Variants in DTYMK observed in about 807,000 individuals in gnomAD.
DTYMK encodes deoxythymidylate kinase, also known as thymidylate kinase.
DTYMK carries 20 observed loss-of-function variants against 20.3 expected under a neutral mutation model. The observed-to-expected ratio is 0.99, with a 90% CI of 0.69 to 1.43. The LOEUF (loss-of-function observed/expected upper bound fraction) is 1.43. DTYMK is among the 40% of genes most tolerant of loss of function. The pLI is 0.00. For missense variants in DTYMK, 320 were observed against 291.1 expected (o/e 1.10, Z -0.72); for synonymous variants, 148 against 124.4 (o/e 1.19, Z -1.27).
intron 1 of DTYMK, 22 bp downstream of exon 1, chr2:241,686,632 A>G: frequency 1.4e-6 from 2 of 1,480,724 alleles, no homozygotes; most frequent in Middle Eastern, 2.4e-4. Flanking sequence ...GCCGCGGCGC[A>G]CCCCCCGCCG....
intron 1 of DTYMK, among the ~76,000 whole-genome samples, chr2:241,686,297 TGGA>T (rs1279858538): frequency 6.6e-6 from 1 of 152,194 alleles, no homozygotes; most frequent in Admixed American, 6.5e-5. Flanking sequence ...ACAAAAGAGC[TGGA>T]GGAGACTTTT....
chr2:241,677,897 G>C (rs1032970200), intron 4 of DTYMK, among the ~76,000 whole-genome samples: 1 of 152,258 alleles, frequency 6.6e-6, no homozygotes, highest in African/African-American at 2.4e-5. Context: ...AGGGGCTGAG[G>C]ATGTGGAGGA....
chr2:241,684,005 C>T (rs1014144950), intron 2 of DTYMK, among the ~76,000 whole-genome samples: 2 of 151,774 alleles, frequency 1.3e-5, no homozygotes, highest in African/African-American at 2.4e-5. Flanking sequence ...TGCAGTGAGC[C>T]GAGACTGAGC....
intron 2 of DTYMK, chr2:241,682,222 T>C: frequency 2.2e-6 from 1 of 453,404 alleles, no homozygotes; most frequent in Non-Finnish European, 4.4e-6. Context: ...GTGCCTATAG[T>C]TGCAGCTACT....
At position 241,678,598 on chromosome 2, in the gene DTYMK, C is replaced by T. The variant is rs373875797; in HGVS notation, c.382G>A (p.Asp128Asn). The change falls in exon 4 of 5, where the codon GAC becomes AAC. Residue 128 changes from aspartate to asparagine, a missense_variant. Coordinates refer to ENST00000305784, the MANE Select transcript of DTYMK (RefSeq NM_012145.4). Reference protein sequence around the residue: ...KQPDVGLPKPDLVLFLQLQLA... With the variant: ...KQPDVGLPKPNLVLFLQLQLA... ...TGTAACTGGAGGAACAGGACCAGGT[C>T]GGGTTTGGGAAGGCCCACGTCTGGC... is the stretch of plus-strand genomic sequence containing the variant. 21 of 1,614,166 alleles carry T rather than the reference C, an allele frequency of 1.3e-5. No individual in the cohort carries two copies. Among genetic ancestry groups the T allele is most frequent in the Admixed American group, 1.7e-5 (1 of 60,026 alleles).
Position 241,686,770 on chromosome 2 carries a change from C to G in DTYMK, c.14G>C (p.Arg5Pro). 1 of 1,460,942 alleles carries G rather than the reference C, an allele frequency of 6.8e-7. No individual in the cohort carries two copies. Among genetic ancestry groups the G allele is most frequent in the Non-Finnish European group, 8.9e-7 (1 of 1,121,260 alleles). The allele number at this position is 1,460,942 out of a possible 1,614,324, so 90.5% of individuals were successfully genotyped here. A position where few individuals can be genotyped will look rare whatever the true frequency, so the allele number is the denominator to read the frequency against. The change falls in exon 1 of 5, where the codon CGC (arginine) becomes CCC (proline). Residue 5 changes from arginine to proline, a missense_variant. Arg to Pro is a moderately radical substitution (Grantham distance 103). Transcript: ENST00000305784. MAAR[R>P]GALIVLEGVD... Reference sequence around the variant, plus strand: ...GCCCTCCAGCACTATGAGAGCCCCGCGCCGGGCCGCCATGACTGTCCACCG... The same window carrying G: ...GCCCTCCAGCACTATGAGAGCCCCGGGCCGGGCCGCCATGACTGTCCACCG...
At chr2:241,685,913 G>T in intron 1 of DTYMK, 36 bp from the exon 2 acceptor site, 1 of 1,596,388 alleles carries the variant, frequency 6.3e-7, no homozygotes. Context: ...ATGCAAGTGA[G>T]ATCAGGCTTT....
At chr2:241,685,623 C>A in intron 2 of DTYMK, 146 bp downstream of exon 2, 1 of 795,562 alleles carries the variant, frequency 1.3e-6, no homozygotes, top group South Asian at 2.0e-5. Context: ...GGCGCTTCAC[C>A]ACCTCTGCCC....
At chr2:241,678,693 G>A (rs779606594) in intron 3 of DTYMK, 44 bp from the exon 4 acceptor site, 15 of 1,596,886 alleles carry the variant, frequency 9.4e-6, no homozygotes, top group Non-Finnish European at 1.2e-5. Flanking sequence ...TGTAGTCTAG[G>A]TTTTTGTTTC....
chr2:241,686,076 G>A (rs1347521466), intron 1 of DTYMK, among the ~76,000 whole-genome samples, 199 bp from the exon 2 acceptor site: 1 of 152,082 alleles, frequency 6.6e-6, no homozygotes, highest in Non-Finnish European at 1.5e-5. Context: ...AAACAAGCTG[G>A]GATGAAAAAT....
Position 241,684,258 on chromosome 2 carries a change from G to A in DTYMK, c.239+1511C>T, listed in dbSNP as rs140514102. Among the ~76,000 whole-genome samples, 9 of 152,270 alleles carry A rather than the reference G, an allele frequency of 5.9e-5. No individual in the cohort carries two copies. The South Asian group carries it at 1.0e-3, about 18-fold the overall frequency. ...TCTTCATTTTAAATTGGGCATATACGTGTTTCATCACTTTTCTACAAAGCC... is the reference window on the plus strand; with the variant it reads ...TCTTCATTTTAAATTGGGCATATACATGTTTCATCACTTTTCTACAAAGCC... On this transcript the variant is annotated intron_variant, in intron 2 of 4. Coordinates refer to ENST00000305784, the MANE Select transcript of DTYMK (RefSeq NM_012145.4).
intron 4 of DTYMK, among the ~76,000 whole-genome samples, chr2:241,677,822 A>G (rs1282160457): frequency 6.6e-6 from 1 of 152,204 alleles, no homozygotes; most frequent in Non-Finnish European, 1.5e-5. Context: ...TGCAGGGCCC[A>G]TGCCCAGCGA....
chr2:241,685,574 A>G (rs1420435170), intron 2 of DTYMK, 195 bp downstream of exon 2: 3 of 519,980 alleles, frequency 5.8e-6, no homozygotes, highest in Admixed American at 3.2e-5. Flanking sequence ...GGGGAGCAGG[A>G]GGACGAAACA....
At chr2:241,677,439 T>G (rs1426188426) in intron 4 of DTYMK, among the ~76,000 whole-genome samples, 4 of 152,204 alleles carry the variant, frequency 2.6e-5, no homozygotes, top group Non-Finnish European at 5.9e-5. Flanking sequence ...GTGACCAGCA[T>G]CATCTGCAGG....
At position 241,680,212 on chromosome 2, in the gene DTYMK, G is replaced by A. The variant is rs374486717; in HGVS notation, c.330+17C>T. ...ACACATCTGTGCTCGCCTGACAGGAGGCCAAGTGGCACTCACCTCCTTGGC... is the reference window on the plus strand; with the variant it reads ...ACACATCTGTGCTCGCCTGACAGGAAGCCAAGTGGCACTCACCTCCTTGGC... On this transcript the variant is annotated intron_variant, in intron 3 of 4. Coordinates refer to ENST00000305784, the MANE Select transcript of DTYMK (RefSeq NM_012145.4). 6.1e-4 allele frequency: 983 copies of A among 1,613,594 alleles called. No individual in the cohort carries two copies. The highest frequency in any genetic ancestry group is 7.8e-4 in the Non-Finnish European group (915 of 1,179,726).
Position 241,676,004 on chromosome 2 carries a change from C to G in DTYMK, c.*123G>C, listed in dbSNP as rs958464774. On this transcript the variant is annotated 3_prime_UTR_variant, in exon 5 of 5. Coordinates refer to ENST00000305784, the MANE Select transcript of DTYMK (RefSeq NM_012145.4). ...GGCAGAAGAGGCAGCCTGCAGATCT[C>G]TGCTGCCGGGAAAGAGCTCCTGAAG... 1.0e-5 allele frequency: 10 copies of G among 973,460 alleles called. No individual in the cohort carries two copies. The Admixed American group carries it at 1.5e-4, about 15-fold the overall frequency. The allele number at this position is 973,460 out of a possible 1,614,324, so 60.3% of individuals were successfully genotyped here. A position where few individuals can be genotyped will look rare whatever the true frequency, so the allele number is the denominator to read the frequency against.
In DTYMK at chr2:241,676,124, G is replaced by T; in HGVS notation, c.*3C>A. ...AGAGGCGTCTCCAGTGGGCAGCCTT[G>T]GGTCACTTCCATAGCTCCCCCAGCG... On this transcript the variant is annotated 3_prime_UTR_variant, in exon 5 of 5. Transcript: ENST00000305784. The T allele has an allele frequency of 6.2e-7, 1 of 1,607,966 alleles. No individual in the cohort carries two copies. The highest frequency in any genetic ancestry group is 1.1e-5 in the South Asian group (1 of 90,578).
intron 2 of DTYMK, among the ~76,000 whole-genome samples, chr2:241,680,629 C>T (rs1454317401): frequency 2.0e-5 from 3 of 152,008 alleles, no homozygotes; most frequent in South Asian, 2.1e-4. Flanking sequence ...GCCGAGATCA[C>T]ACCACTGCAT....
intron 3 of DTYMK, 85 bp from the exon 4 acceptor site, chr2:241,678,734 G>A: frequency 2.0e-6 from 3 of 1,468,336 alleles, no homozygotes; most frequent in Middle Eastern, 1.8e-4. Flanking sequence ...AAAATGAGGG[G>A]ACATTTGGTG....
Sources: gnomAD v4.1 joint callset for allele counts (sites outside exome capture counted in the v4.1 genomes callset) on GRCh38, gnomAD v4.1.1 for gene constraint, MANE v1.5 for transcripts, NCBI Gene and HGNC (gene_info 2026-07-23, HGNC 2026-07-21) for gene names.